The following RPS6KA2 variants were observed in gnomAD, a reference collection of about 807,000 sequenced individuals.
RPS6KA2 encodes ribosomal protein S6 kinase A2.
RPS6KA2 carries 42 observed loss-of-function variants against 91.8 expected under a neutral mutation model. That is an observed-to-expected ratio of 0.46 (90% CI 0.36 to 0.59). The LOEUF (loss-of-function observed/expected upper bound fraction) is 0.59. RPS6KA2 is among the 20% of genes least tolerant of loss of function. The pLI, the probability that RPS6KA2 is intolerant of heterozygous loss-of-function variation, is 0.00. For synonymous variants in RPS6KA2, 414 were observed against 393.6 expected (o/e 1.05, Z -0.61); for missense variants, 798 against 978.5 (o/e 0.82, Z 2.46).
intron 2 of RPS6KA2, among the ~76,000 whole-genome samples, chr6:166,674,577 T>G (rs748532618): frequency 2.0e-5 from 3 of 152,182 alleles, no homozygotes; most frequent in Non-Finnish European, 4.4e-5. Context: ...AATCAAGGAA[T>G]GTGTTCAGAA....
At chr6:166,416,364 A>AC (rs1222835573) in intron 19 of RPS6KA2, among the ~76,000 whole-genome samples, 1 of 145,730 alleles carries the variant, frequency 6.9e-6, no homozygotes, top group African/African-American at 2.6e-5. Context: ...CTTCACCATC[A>AC]CCTCCACTAT....
intron 2 of RPS6KA2, among the ~76,000 whole-genome samples, chr6:166,634,352 G>A (rs189650795): frequency 1.1e-3 from 166 of 152,290 alleles, no homozygotes; most frequent in African/African-American, 3.8e-3. Flanking sequence ...AGGAAATGGG[G>A]CCGGACGTTT....
At chr6:166,701,576 C>T (rs1789521790) in intron 2 of RPS6KA2, 2 of 1,414,208 alleles carry the variant, frequency 1.4e-6, no homozygotes, top group Non-Finnish European at 2.0e-6. Context: ...CTGATGAGGG[C>T]TCTGACTGAT....
At chr6:166,655,115 AG>A (rs1389000521) in intron 2 of RPS6KA2, among the ~76,000 whole-genome samples, 2 of 152,350 alleles carry the variant, frequency 1.3e-5, no homozygotes, top group East Asian at 3.9e-4. Flanking sequence ...TTTCAACAGA[AG>A]TTCTCATTTT....
chr6:166,819,661 TG>T (rs1779854665), intron 2 of RPS6KA2, among the ~76,000 whole-genome samples: 2 of 152,348 alleles, frequency 1.3e-5, no homozygotes, highest in Middle Eastern at 6.8e-3. Context: ...AAGTAAATCC[TG>T]GAAATTACCT....
At chr6:166,497,750 C>T (rs1361191753) in intron 8 of RPS6KA2, among the ~76,000 whole-genome samples, 1 of 152,252 alleles carries the variant, frequency 6.6e-6, no homozygotes, top group Non-Finnish European at 1.5e-5. Context: ...CTGGGTTTGG[C>T]AGGCACACAG....
intron 2 of RPS6KA2, among the ~76,000 whole-genome samples, chr6:166,760,778 G>A (rs923924903): frequency 1.3e-5 from 2 of 152,316 alleles, no homozygotes; most frequent in South Asian, 2.1e-4. Flanking sequence ...CAAAGGGTCC[G>A]AATAATCCTC....
rs1778350024 is a variant in RPS6KA2 at position 166,767,604 on chromosome 6, T to C, written c.123+90596A>G. ...GAAGGGTGAACATTCGGCCAGAATG[T>C]GTTGAGCGTCCACAATGTTCCAGGC... On this transcript the variant is annotated intron_variant, in intron 2 of 21. Coordinates refer to the RPS6KA2 transcript ENST00000503859. The surrounding 1 kb of genome is among the most constrained non-coding windows in gnomAD (Gnocchi z 4.6). 6.6e-6 allele frequency among the ~76,000 whole-genome samples: 1 copy of C among 152,188 alleles called. No homozygotes were observed. The highest frequency in any genetic ancestry group is 1.5e-5 in the Non-Finnish European group (1 of 68,042).
At chr6:166,686,522 G>A (rs569326821) in intron 2 of RPS6KA2, among the ~76,000 whole-genome samples, 2 of 152,304 alleles carry the variant, frequency 1.3e-5, no homozygotes, top group African/African-American at 4.8e-5. Flanking sequence ...AAGGCCATGT[G>A]GCTTCTGCTG....
intron 2 of RPS6KA2, among the ~76,000 whole-genome samples, chr6:166,839,090 A>T (rs2128629083): frequency 6.6e-6 from 1 of 152,322 alleles, no homozygotes; most frequent in East Asian, 1.9e-4. Context: ...TGCCCTCCAG[A>T]ACCGTTAGAC....
chr6:166,639,194 T>C lies in RPS6KA2; in HGVS notation c.124-100410A>G. Among the ~76,000 whole-genome samples the C allele has an allele frequency of 6.6e-6, 1 of 152,152 alleles. No individual in the cohort carries two copies. Among genetic ancestry groups the C allele is most frequent in the East Asian group, 1.9e-4 (1 of 5,202 alleles). On this transcript the variant is annotated intron_variant, in intron 2 of 21. Transcript: ENST00000503859. The surrounding 1 kb of genome is among the most constrained non-coding windows in gnomAD (Gnocchi z 4.2). ...AATATGAGAATTTGTATCTGAAAAC[T>C]CCCCTATTCAACTGTATTGTCTTAT... is the stretch of plus-strand genomic sequence containing the variant.
In RPS6KA2 at chr6:166,732,816, G is replaced by A. The variant is rs376917683; in HGVS notation, c.123+125384C>T. On this transcript the variant is annotated intron_variant, in intron 2 of 21. Transcript: ENST00000503859. This position sits in a 1 kb window ranked among gnomAD's most constrained non-coding sequence, Gnocchi z 4.0. The stretch of plus-strand genomic sequence containing the variant: ...GACAGGGGGAGCTGTGAAGGCCACC[G>A]GAGGCTGAGTCTGGTGGAAGGAGGC... Among the ~76,000 whole-genome samples, 1 of 152,208 alleles carries A rather than the reference G, an allele frequency of 6.6e-6. No individual in the cohort carries two copies. Among genetic ancestry groups the A allele is most frequent in the East Asian group, 1.9e-4 (1 of 5,200 alleles).
In RPS6KA2 at chr6:166,488,884, C is replaced by T. The variant is rs1222882427; in HGVS notation, c.856G>A (p.Ala286Thr). The T allele has an allele frequency of 6.2e-7, 1 of 1,613,716 alleles. No homozygotes were observed. The highest frequency in any genetic ancestry group is 2.2e-5 in the East Asian group (1 of 44,884). ...LGMPQFLSGE[A>T]QSLLRALFKR... is the part of the protein sequence containing the mutation. Reference sequence around the variant, plus strand: ...AAGAGAGCTCGCAGCAAACTCTGTGCCTCCCCACTGAGGAACTGCGGCATC... The same window carrying T: ...AAGAGAGCTCGCAGCAAACTCTGTGTCTCCCCACTGAGGAACTGCGGCATC... The change falls in exon 10 of 21, where the codon GCA (alanine) becomes ACA (threonine). Residue 286 changes from alanine (A) to threonine (T), a missense_variant. Coordinates refer to ENST00000265678, the MANE Select transcript of RPS6KA2 (RefSeq NM_021135.6).
intron 2 of RPS6KA2, among the ~76,000 whole-genome samples, chr6:166,671,810 G>A (rs1766755094): frequency 6.6e-6 from 1 of 152,138 alleles, no homozygotes; most frequent in African/African-American, 2.4e-5. Flanking sequence ...ACTGGCCAGT[G>A]GGCTGGCCAG....
chr6:166,678,083 C>T (rs887524749), intron 2 of RPS6KA2, among the ~76,000 whole-genome samples: 16 of 152,170 alleles, frequency 1.1e-4, no homozygotes, highest in African/African-American at 2.7e-4. Context: ...AGCTGGTTTC[C>T]GGTATGGATC....
intron 10 of RPS6KA2, among the ~76,000 whole-genome samples, chr6:166,480,475 GATTTTATATATATATATATATATATATAT>G (rs1781155562): frequency 1.6e-5 from 1 of 60,982 alleles, no homozygotes; most frequent in Non-Finnish European, 2.8e-5. Context: ...TTAAGATTGT[GATTTTATATATATATATATATATATATAT>G]ATATATATAT....
intron 2 of RPS6KA2, among the ~76,000 whole-genome samples, chr6:166,674,357 C>CA (rs1788560674): frequency 6.6e-6 from 1 of 152,126 alleles, no homozygotes; most frequent in South Asian, 2.1e-4. Context: ...GGGACACAGG[C>CA]ATGTTAGAGG....
chr6:166,476,457 C>T (rs187113786), intron 10 of RPS6KA2, among the ~76,000 whole-genome samples: 174 of 152,310 alleles, frequency 1.1e-3, no homozygotes, highest in Non-Finnish European at 2.0e-3. Flanking sequence ...TGTTTTTATC[C>T]GTGTTTCTCG....
rs372535141 is a variant in RPS6KA2, at chr6:166,459,422, G to A, written c.1075+27C>T. 2.3e-5 allele frequency: 35 copies of A among 1,519,048 alleles called. No homozygotes were observed. Among genetic ancestry groups the A allele is most frequent in the Admixed American group, 6.7e-5 (4 of 59,278 alleles). The allele number at this position is 1,519,048 out of a possible 1,614,324, so 94.1% of individuals were successfully genotyped here. ...AAGGGGTCAGGTGGGAGAAGCCACC[G>A]ATAGAGGGAACCACTGTGGCACACA... On this transcript the variant is annotated intron_variant, in intron 12 of 20. Transcript: ENST00000265678. The surrounding 1 kb of genome is among the most constrained non-coding windows in gnomAD (Gnocchi z 4.9).
Sources: allele counts gnomAD v4.1 joint callset (sites outside exome capture counted in the v4.1 genomes callset), GRCh38; gene constraint gnomAD v4.1.1; non-coding constraint Gnocchi (gnomAD v3.1); transcripts MANE v1.5; gene names NCBI Gene and HGNC (gene_info 2026-07-23, HGNC 2026-07-21).